Variants in LARP4 observed in about 807,000 individuals in gnomAD.
The protein encoded by LARP4 is la-related protein 4.
A neutral mutation model predicts 92.9 loss-of-function variants in LARP4; 29 were observed. The ratio of observed to expected loss-of-function variants is 0.31; its 90% confidence interval spans 0.23 to 0.43. LARP4 has a LOEUF of 0.43. Among genes scored for constraint, LARP4 ranks in the 20% least tolerant of loss-of-function variants. The probability of loss-of-function intolerance (pLI) is 1.00; values close to 1 mark genes in which losing one functional copy is unlikely to be tolerated. For synonymous variants in LARP4, 279 were observed against 284.1 expected, an observed-to-expected ratio of 0.98 and a Z score of 0.18; for missense variants, 732 against 860.0, an observed-to-expected ratio of 0.85 and a Z score of 1.86.
At chr12:50,425,970 A>G (rs1467779216) in intron 1 of LARP4, among the ~76,000 whole-genome samples, 1 of 151,852 alleles carries the variant, frequency 6.6e-6, no homozygotes, top group Non-Finnish European at 1.5e-5. Flanking sequence ...GTTTAATTCC[A>G]TAGTTACCCA....
rs754689963 is a variant in LARP4 at position 50,427,844 on chromosome 12, C to T, written c.101C>T (p.Pro34Leu). The T allele has an allele frequency of 5.0e-6, 8 of 1,604,790 alleles. No individual in the cohort carries two copies. The Admixed American group carries it at 1.2e-4, about 23-fold the overall frequency. ...EIAPGNTDATPVTHGTESSWH... is the reference protein window; with the variant it reads ...EIAPGNTDATLVTHGTESSWH... ...GCTCCTGGAAATACTGATGCCACCC[C>T]AGTAACTCATGGAACTGAAAGCTCT... Residue 34 changes from proline (P) to leucine (L), a missense_variant, in exon 2 of 16, where the codon CCA becomes CTA. Pro to Leu is a moderately conservative substitution (Grantham distance 98, BLOSUM62 -3). Coordinates refer to ENST00000398473, the MANE Select transcript of LARP4 (RefSeq NM_052879.5).
At chr12:50,457,160 C>A (rs1313092686) in intron 10 of LARP4, among the ~76,000 whole-genome samples, 1 of 150,876 alleles carries the variant, frequency 6.6e-6, no homozygotes, top group Non-Finnish European at 1.5e-5. Flanking sequence ...GCTTGGCCTC[C>A]CAAAGTCCTG....
chr12:50,421,074 C>G (rs1034998132), intron 1 of LARP4, among the ~76,000 whole-genome samples: 1 of 149,668 alleles, frequency 6.7e-6, no homozygotes, highest in African/African-American at 2.4e-5. Flanking sequence ...CTCAGCTTCC[C>G]AAGTAGCTGG....
At chr12:50,472,759 C>T (rs1192695713) in intron 13 of LARP4, among the ~76,000 whole-genome samples, 5 of 151,996 alleles carry the variant, frequency 3.3e-5, no homozygotes, top group Non-Finnish European at 4.4e-5. Context: ...GCAGTCCTCC[C>T]GCCTCAGCCT....
chr12:50,432,671 C>G (rs548308769), intron 4 of LARP4, among the ~76,000 whole-genome samples: 2 of 152,094 alleles, frequency 1.3e-5, no homozygotes, highest in East Asian at 3.9e-4. Context: ...ATTAGCCTGA[C>G]CAACATGGTG....
chr12:50,426,764 C>T (rs1473450157), intron 1 of LARP4, among the ~76,000 whole-genome samples: 1 of 133,548 alleles, frequency 7.5e-6, no homozygotes, highest in Non-Finnish European at 1.6e-5. Context: ...TTTTTGAGAC[C>T]GAGTCTCACT....
At chr12:50,463,074 C>A (rs1312231631) in intron 12 of LARP4, among the ~76,000 whole-genome samples, 3 of 151,878 alleles carry the variant, frequency 2.0e-5, no homozygotes, top group African/African-American at 7.3e-5. Flanking sequence ...GTCACCCAGG[C>A]TGAAGTGCAG....
chr12:50,440,764 A>G (rs1327199510), intron 7 of LARP4, among the ~76,000 whole-genome samples: 2 of 152,192 alleles, frequency 1.3e-5, no homozygotes, highest in Non-Finnish European at 2.9e-5. Flanking sequence ...GTCGATAAGA[A>G]TATTAACATA....
chr12:50,434,721 T>C (rs142202876), intron 4 of LARP4, among the ~76,000 whole-genome samples: 119 of 152,076 alleles, frequency 7.8e-4, no homozygotes, highest in African/African-American at 2.7e-3. Flanking sequence ...TGTGTATTTA[T>C]ATAAGCATGT....
chr12:50,450,886 CT>C (rs1034209175), intron 8 of LARP4, among the ~76,000 whole-genome samples: 9 of 151,956 alleles, frequency 5.9e-5, no homozygotes, highest in East Asian at 1.9e-4. Flanking sequence ...TTTTTCAGTT[CT>C]TTTTTACGTT....
At chr12:50,420,311 A>G (rs969330525) in intron 1 of LARP4, among the ~76,000 whole-genome samples, 2 of 152,230 alleles carry the variant, frequency 1.3e-5, no homozygotes, top group African/African-American at 4.8e-5. Flanking sequence ...TCAGAATGCA[A>G]CTAGAGAGAC....
Position 50,476,013 on chromosome 12 carries a change from AT to A in LARP4, c.*150del. The A allele has an allele frequency of 1.6e-6, 1 of 606,240 alleles. No individual in the cohort carries two copies. The highest frequency in any genetic ancestry group is 2.8e-6 in the Non-Finnish European group (1 of 353,628). The allele number at this position is 606,240 out of a possible 1,614,324, so 37.6% of individuals were successfully genotyped here. On this transcript the variant is annotated 3_prime_UTR_variant, in exon 16 of 16. Coordinates refer to ENST00000398473, the MANE Select transcript of LARP4 (RefSeq NM_052879.5). Reference sequence around the variant, plus strand: ...ATTATGGATTTTGGAGTTGTGAGTGATAGGATCCCAAAATTCATCTCTAATG... The same window carrying A: ...ATTATGGATTTTGGAGTTGTGAGTGAAGGATCCCAAAATTCATCTCTAATG...
Position 50,429,208 on chromosome 12 carries a change from G to A in LARP4, c.322+118G>A, listed in dbSNP as rs954954210. 6.1e-5 allele frequency: 43 copies of A among 706,360 alleles called. 1 individual carries two copies. The highest frequency in any genetic ancestry group is 4.9e-4 in the Admixed American group (16 of 32,368). The allele number at this position is 706,360 out of a possible 1,614,324, so 43.8% of individuals were successfully genotyped here. A position where few individuals can be genotyped will look rare whatever the true frequency, so the allele number is the denominator to read the frequency against. ...CATTATTTTCTTATTTGAAAAGAAG[G>A]TTACGTTAATGAAATGTTAGTTGAT... On this transcript the variant is annotated intron_variant, in intron 3 of 15. Coordinates refer to ENST00000398473, the MANE Select transcript of LARP4 (RefSeq NM_052879.5).
At chr12:50,451,299 A>G (rs1953143871) in intron 8 of LARP4, among the ~76,000 whole-genome samples, 1 of 152,196 alleles carries the variant, frequency 6.6e-6, no homozygotes, top group Non-Finnish European at 1.5e-5. Flanking sequence ...TTCAAATACA[A>G]GTGAGATCAT....
chr12:50,429,869 C>A (rs559219709), intron 3 of LARP4, among the ~76,000 whole-genome samples: 1 of 152,212 alleles, frequency 6.6e-6, no homozygotes, highest in African/African-American at 2.4e-5. Context: ...AAACTCCTGA[C>A]CTCAAGTAAT....
chr12:50,423,483 C>T (rs948473399), intron 1 of LARP4, among the ~76,000 whole-genome samples: 4 of 152,130 alleles, frequency 2.6e-5, no homozygotes, highest in Non-Finnish European at 5.9e-5. Flanking sequence ...GAGTCTTGCT[C>T]TGTTGCCCAG....
chr12:50,463,053 G>A (rs1027948442), intron 12 of LARP4, among the ~76,000 whole-genome samples: 1 of 151,866 alleles, frequency 6.6e-6, no homozygotes, highest in African/African-American at 2.4e-5. Flanking sequence ...AGGAGGAACG[G>A]GTCTTGCTCT....
At chr12:50,439,088 C>G (rs918827382) in intron 6 of LARP4, among the ~76,000 whole-genome samples, 1 of 152,180 alleles carries the variant, frequency 6.6e-6, no homozygotes, top group African/African-American at 2.4e-5. Flanking sequence ...CTGGCACATG[C>G]CACCATGCCT....
chr12:50,465,371 CAAA>C (rs368980753), intron 12 of LARP4, among the ~76,000 whole-genome samples: 10 of 112,358 alleles, frequency 8.9e-5, no homozygotes, highest in African/African-American at 1.9e-4. Context: ...GACTCTGTCT[CAAA>C]AAAAAAAAAA....
Sources: allele counts gnomAD v4.1 joint callset (sites outside exome capture counted in the v4.1 genomes callset), GRCh38; gene constraint gnomAD v4.1.1; transcripts MANE v1.5; gene names NCBI Gene and HGNC (gene_info 2026-07-23, HGNC 2026-07-21).